The following DNMT3B variants were observed in gnomAD, a reference collection of about 807,000 sequenced individuals.
DNMT3B encodes the protein DNA methyltransferase 3 beta.
DNMT3B carries 37 observed loss-of-function variants against 120.2 expected under a neutral mutation model. That is an observed-to-expected ratio of 0.31 (90% CI 0.24 to 0.40). The LOEUF is 0.40. Ranked by LOEUF, DNMT3B falls within the 10% of genes least tolerant of loss-of-function variation. The probability of loss-of-function intolerance (pLI) is 1.00; values close to 1 mark genes in which losing one functional copy is unlikely to be tolerated. For synonymous variants in DNMT3B, 412 were observed against 442.8 expected (o/e 0.93, Z 0.87); for missense variants, 878 against 1,137.3 (o/e 0.77, Z 3.28).
rs558984648 is a variant in DNMT3B, at chr20:32,789,513, T to C, written c.813+501T>C. Among the ~76,000 whole-genome samples, 17 of 152,350 alleles carry C rather than the reference T, an allele frequency of 1.1e-4. No individual in the cohort carries two copies. In the South Asian group the frequency reaches 3.3e-3, roughly 30 times the overall value. The stretch of plus-strand genomic sequence containing the variant: ...ATTGATTCTAGCCTTTTAAAATCTT[T>C]CTTGGTAATGACATTTAGCTGGGGA... On this transcript the variant is annotated intron_variant, in intron 7 of 22. Coordinates refer to ENST00000328111, the MANE Select transcript of DNMT3B (RefSeq NM_006892.4).
intron 18 of DNMT3B, 37 bp downstream of exon 18, chr20:32,800,962 T>C: frequency 6.2e-7 from 1 of 1,608,428 alleles, no homozygotes; most frequent in Non-Finnish European, 8.5e-7. Context: ...CTGGAGAGCC[T>C]ATGTCACCTG....
At chr20:32,800,116 C>T in intron 16 of DNMT3B, 37 bp from the exon 17 acceptor site, 3 of 1,613,866 alleles carry the variant, frequency 1.9e-6, no homozygotes, top group Non-Finnish European at 2.5e-6. Context: ...GTGTGCTCAG[C>T]ATCATTTATG....
intron 20 of DNMT3B, 73 bp from the exon 21 acceptor site, chr20:32,805,265 C>A (rs748413621): frequency 1.9e-6 from 3 of 1,574,636 alleles, no homozygotes; most frequent in Non-Finnish European, 2.6e-6. Flanking sequence ...AACATAGACC[C>A]TCACTCCCAC....
At chr20:32,795,112 G>C (rs998078960) in intron 10 of DNMT3B, among the ~76,000 whole-genome samples, 1 of 152,166 alleles carries the variant, frequency 6.6e-6, no homozygotes, top group Non-Finnish European at 1.5e-5. Context: ...CACAGACATG[G>C]GTATGCCAGG....
intron 1 of DNMT3B, among the ~76,000 whole-genome samples, chr20:32,772,863 T>C (rs1987822725): frequency 6.7e-6 from 1 of 148,176 alleles, no homozygotes; most frequent in Admixed American, 6.9e-5. Flanking sequence ...GGTTTTTCCC[T>C]GTTTGGACAC....
chr20:32,795,578 A>G, intron 11 of DNMT3B, 44 bp downstream of exon 11: 1 of 1,614,122 alleles, frequency 6.2e-7, no homozygotes, highest in Non-Finnish European at 8.5e-7. Flanking sequence ...TGGGAGGAGG[A>G]CGCTGCAGAT....
intron 14 of DNMT3B, 100 bp from the exon 15 acceptor site, chr20:32,798,360 T>C (rs1404177832): frequency 3.3e-6 from 5 of 1,496,218 alleles, no homozygotes; most frequent in African/African-American, 1.4e-5. Flanking sequence ...CTAGGTAAGC[T>C]TTCAGGAGGG....
At chr20:32,790,397 G>T (rs941105840) in intron 7 of DNMT3B, among the ~76,000 whole-genome samples, 7 of 152,236 alleles carry the variant, frequency 4.6e-5, no homozygotes, top group Non-Finnish European at 1.0e-4. Context: ...GTGTGGGGCT[G>T]TCAGCATTAG....
At chr20:32,781,799 C>T (rs1398343137) in intron 3 of DNMT3B, among the ~76,000 whole-genome samples, 2 of 152,220 alleles carry the variant, frequency 1.3e-5, no homozygotes, top group Non-Finnish European at 2.9e-5. Flanking sequence ...TGCCCAGGAT[C>T]AGTCCTGTCT....
intron 6 of DNMT3B, among the ~76,000 whole-genome samples, chr20:32,788,174 A>C (rs1247961070): frequency 1.3e-5 from 2 of 152,238 alleles, no homozygotes; most frequent in East Asian, 3.9e-4. Context: ...GTCACAGGGG[A>C]TGCGATGGCT....
rs532347792 is a variant in DNMT3B at position 32,800,849 on chromosome 20, C to G, written c.1920C>G (p.Gly640=). ...NITKKNIEEW[G]PFDLVIGGSP... ...CTCTCTTTCAGATTGAAGAATGGGG[C>G]CCATTTGACTTGGTGATTGGCGGAA... Residue 640 remains glycine (G), a synonymous_variant, in exon 18 of 23, where the codon GGC becomes GGG. Transcript: ENST00000328111. 2.5e-6 allele frequency: 4 copies of G among 1,614,212 alleles called. No individual in the cohort carries two copies. The East Asian group carries it at 8.9e-5, about 36-fold the overall frequency.
rs1997797 is a variant in DNMT3B, at chr20:32,800,148, C to A, written c.1760-5C>A. ...TATGCTTCTGTGTCTCTCTGGCCCCCACAGGCTACCTAGTCCTCAAAGAGT... is the reference window on the plus strand; with the variant it reads ...TATGCTTCTGTGTCTCTCTGGCCCCAACAGGCTACCTAGTCCTCAAAGAGT... On this transcript the variant is annotated splice_polypyrimidine_tract_variant and splice_region_variant and intron_variant, in intron 16 of 22. Coordinates refer to ENST00000328111, the MANE Select transcript of DNMT3B (RefSeq NM_006892.4). 3.1e-6 allele frequency: 5 copies of A among 1,613,994 alleles called. No individual in the cohort carries two copies. The highest frequency in any genetic ancestry group is 2.2e-5 in the East Asian group (1 of 44,880).
intron 14 of DNMT3B, among the ~76,000 whole-genome samples, chr20:32,797,851 G>C (rs539212486): frequency 3.2e-4 from 49 of 152,002 alleles, no homozygotes; most frequent in Non-Finnish European, 5.3e-4. Context: ...GTACAGACAG[G>C]GTTTCACCAT....
At chr20:32,773,673 A>G (rs192660424) in intron 1 of DNMT3B, among the ~76,000 whole-genome samples, 116 of 149,230 alleles carry the variant, frequency 7.8e-4, no homozygotes, top group African/African-American at 2.6e-3. Context: ...GTGCAGTGGC[A>G]TGACGATAGC....
At chr20:32,798,809 C>T (rs117254978) in intron 15 of DNMT3B, among the ~76,000 whole-genome samples, 166 bp downstream of exon 15, 508 of 152,364 alleles carry the variant, frequency 3.3e-3, no homozygotes, top group Non-Finnish European at 5.6e-3. Flanking sequence ...GCACGGTTTT[C>T]AGCCGTGCCA....
chr20:32,793,497 T>C, intron 9 of DNMT3B, 39 bp from the exon 10 acceptor site: 1 of 1,606,012 alleles, frequency 6.2e-7, no homozygotes, highest in Middle Eastern at 1.7e-4. Context: ...ACATTTAATG[T>C]AATGTTTTTT....
At chr20:32,781,887 GT>G (rs1978667107) in intron 3 of DNMT3B, among the ~76,000 whole-genome samples, 1 of 152,202 alleles carries the variant, frequency 6.6e-6, no homozygotes, top group African/African-American at 2.4e-5. Context: ...ATCAGTTGCA[GT>G]ATCACAGTGG....
rs757302285 is a variant in DNMT3B at position 32,787,249 on chromosome 20, C to A, written c.452C>A (p.Thr151Lys). The A allele has an allele frequency of 6.8e-6, 11 of 1,614,278 alleles. No individual in the cohort carries two copies. Among genetic ancestry groups the A allele is most frequent in the Non-Finnish European group, 8.5e-6 (10 of 1,180,056 alleles). ...PATRSLRRRA[T>K]ASAGTPWPSP... ...CCACAGTCCCTGAGACGGCGGGCAA[C>A]AGCATCGGCAGGAACGCCATGGCCG... is the stretch of plus-strand genomic sequence containing the variant. Residue 151 changes from threonine (T) to lysine (K), a missense_variant, in exon 6 of 23, where the codon ACA becomes AAA. Physicochemically the swap from Thr to Lys is moderately conservative, Grantham distance 78. Coordinates refer to ENST00000328111, the MANE Select transcript of DNMT3B (RefSeq NM_006892.4).
intron 17 of DNMT3B, 89 bp from the exon 18 acceptor site, chr20:32,800,746 C>A: frequency 2.1e-6 from 3 of 1,438,188 alleles, no homozygotes; most frequent in Middle Eastern, 1.8e-4. Context: ...TGAGCCACCT[C>A]GTCCAGCCCC....
Sources: allele counts gnomAD v4.1 joint callset (sites outside exome capture counted in the v4.1 genomes callset), GRCh38; gene constraint gnomAD v4.1.1; transcripts MANE v1.5; gene names NCBI Gene and HGNC (gene_info 2026-07-23, HGNC 2026-07-21).